The following TMEM232 variants were observed in gnomAD, a reference collection of about 807,000 sequenced individuals.
The protein encoded by TMEM232 is transmembrane protein 232.
In TMEM232, 80 loss-of-function variants were observed where a neutral mutation model predicts 78.8. The observed-to-expected ratio is 1.01, with a 90% CI of 0.85 to 1.22. TMEM232 has a LOEUF of 1.22. Among genes scored for constraint, TMEM232 ranks in the 50% most tolerant of loss-of-function variants. The pLI is 0.00. For missense variants in TMEM232, 881 were observed against 742.2 expected, an observed-to-expected ratio of 1.19 and a Z score of -2.17; for synonymous variants, 297 against 254.3, an observed-to-expected ratio of 1.17 and a Z score of -1.60.
At position 110,391,811 on chromosome 5, in the gene TMEM232, G is replaced by A. The variant is rs978241259; in HGVS notation, n.391-1171C>T. On this transcript the variant is annotated intron_variant and non_coding_transcript_variant, in intron 3 of 8. Coordinates refer to the TMEM232 transcript ENST00000507188. Reference sequence around the variant, plus strand: ...AAAGTGTACAAATAGTACTCCACTTGTAAAAACAGAAGAATGAAAATTACT... The same window carrying A: ...AAAGTGTACAAATAGTACTCCACTTATAAAAACAGAAGAATGAAAATTACT... Among the ~76,000 whole-genome samples, 2 of 152,170 alleles carry A rather than the reference G, an allele frequency of 1.3e-5. 1 individual carries two copies. The highest frequency in any genetic ancestry group is 2.9e-5 in the Non-Finnish European group (2 of 68,030).
At chr5:110,616,778 G>A (rs1180206328) in intron 8 of TMEM232, among the ~76,000 whole-genome samples, 1 of 152,062 alleles carries the variant, frequency 6.6e-6, no homozygotes, top group Non-Finnish European at 1.5e-5. Context: ...CTGTTAGAAT[G>A]GCTATTATCA....
At chr5:110,673,339 A>G (rs542933472) in intron 1 of TMEM232, among the ~76,000 whole-genome samples, 1 of 152,066 alleles carries the variant, frequency 6.6e-6, no homozygotes, top group East Asian at 1.9e-4. Flanking sequence ...GTATTAGGAG[A>G]TAAACCTAAT....
intron 1 of TMEM232, among the ~76,000 whole-genome samples, chr5:110,721,667 G>GTATA (rs1277641654): frequency 1.9e-4 from 2 of 10,422 alleles, no homozygotes; most frequent in African/African-American, 3.3e-4. Flanking sequence ...GTGTGTGTGT[G>GTATA]TGTGTGTATA....
At chr5:110,449,257 A>G (rs1759999028) in intron 12 of TMEM232, among the ~76,000 whole-genome samples, 1 of 152,102 alleles carries the variant, frequency 6.6e-6, no homozygotes, top group South Asian at 2.1e-4. Context: ...CACACCTAGA[A>G]TGACATGAAG....
intron 7 of TMEM232, 130 bp downstream of exon 7, chr5:110,625,136 TC>T: frequency 1.0e-6 from 1 of 978,070 alleles, no homozygotes; most frequent in Non-Finnish European, 1.4e-6. Flanking sequence ...TCTTTGCTGT[TC>T]ACCCCTCCTC....
At chr5:110,510,749 A>G (rs1266003138) in intron 12 of TMEM232, among the ~76,000 whole-genome samples, 1 of 152,168 alleles carries the variant, frequency 6.6e-6, no homozygotes. Context: ...ATAATATACC[A>G]TCTCATGCCA....
intron 1 of TMEM232, among the ~76,000 whole-genome samples, chr5:110,669,115 A>G (rs558902174): frequency 2.0e-5 from 3 of 152,182 alleles, no homozygotes; most frequent in Admixed American, 1.3e-4. Context: ...AGAAGGCAAG[A>G]AATAACTAAG....
intron 1 of TMEM232, among the ~76,000 whole-genome samples, chr5:110,671,517 GATTGGATAAAGAAAATGTGACAC>G (rs1791346769): frequency 6.6e-6 from 1 of 152,180 alleles, no homozygotes; most frequent in African/African-American, 2.4e-5. Flanking sequence ...ATCAATGATA[GATTGGATAAAGAAAATGTGACAC>G]ATATACACCA....
chr5:110,391,432 C>G (rs1025436503), intron 3 of TMEM232, among the ~76,000 whole-genome samples: 1 of 151,610 alleles, frequency 6.6e-6, no homozygotes, highest in Non-Finnish European at 1.5e-5. Flanking sequence ...GCCGATGTGT[C>G]AAGAACTGAG....
intron 12 of TMEM232, among the ~76,000 whole-genome samples, chr5:110,466,365 T>A (rs1000954615): frequency 5.9e-5 from 9 of 152,338 alleles, no homozygotes; most frequent in African/African-American, 1.7e-4. Flanking sequence ...AATTATTTTT[T>A]TAAAAGTTTG....
At chr5:110,403,775 G>A (rs1201261260) in intron 2 of TMEM232, among the ~76,000 whole-genome samples, 1 of 151,948 alleles carries the variant, frequency 6.6e-6, no homozygotes, top group Non-Finnish European at 1.5e-5. Context: ...TATGCAGCTT[G>A]GGCCCATCAG....
intron 1 of TMEM232, among the ~76,000 whole-genome samples, chr5:110,712,620 C>T (rs941612361): frequency 2.0e-5 from 3 of 152,230 alleles, no homozygotes; most frequent in Non-Finnish European, 2.9e-5. Flanking sequence ...ATGGAAAGAA[C>T]GTCCCCTTTG....
chr5:110,629,456 TTCCATA>T (rs1784839127), intron 5 of TMEM232, among the ~76,000 whole-genome samples: 24 of 152,264 alleles, frequency 1.6e-4, no homozygotes, highest in Admixed American at 1.2e-3. Flanking sequence ...AAATCTACCT[TTCCATA>T]TTGTATACTG....
At chr5:110,677,777 T>C (rs1323642835) in intron 1 of TMEM232, among the ~76,000 whole-genome samples, 1 of 152,154 alleles carries the variant, frequency 6.6e-6, no homozygotes, top group East Asian at 1.9e-4. Context: ...GGCAAAAAAT[T>C]TAACATTCTT....
chr5:110,446,038 G>A (rs756121502), intron 12 of TMEM232, among the ~76,000 whole-genome samples: 3 of 152,242 alleles, frequency 2.0e-5, no homozygotes, highest in South Asian at 2.1e-4. Flanking sequence ...TAGGATCACC[G>A]GAGGCCATCT....
chr5:110,514,203 A>G (rs955011301), intron 12 of TMEM232, among the ~76,000 whole-genome samples: 2 of 152,198 alleles, frequency 1.3e-5, no homozygotes, highest in African/African-American at 4.8e-5. Flanking sequence ...CATGTCTGGC[A>G]TAGTCAAAAC....
intron 12 of TMEM232, among the ~76,000 whole-genome samples, chr5:110,446,142 C>T (rs561617951): frequency 6.6e-5 from 10 of 152,194 alleles, no homozygotes; most frequent in African/African-American, 2.4e-4. Context: ...AGGACAAAGA[C>T]ATCAGAGAAT....
chr5:110,715,188 G>A (rs1388751721), intron 1 of TMEM232, among the ~76,000 whole-genome samples: 1 of 151,940 alleles, frequency 6.6e-6, no homozygotes, highest in South Asian at 2.1e-4. Context: ...GCTTTTAATT[G>A]TTTTGTAATC....
intron 12 of TMEM232, among the ~76,000 whole-genome samples, chr5:110,523,673 C>A (rs897320579): frequency 2.6e-5 from 4 of 151,970 alleles, no homozygotes; most frequent in African/African-American, 9.7e-5. Context: ...TACATAAAGA[C>A]CTGGAATGGC....
Sources: allele counts gnomAD v4.1 joint callset (sites outside exome capture counted in the v4.1 genomes callset), GRCh38; gene constraint gnomAD v4.1.1; transcripts MANE v1.5; gene names NCBI Gene and HGNC (gene_info 2026-07-23, HGNC 2026-07-21).